Variants in SLC7A11 observed in about 807,000 individuals in gnomAD.
The protein encoded by SLC7A11 is solute carrier family 7 member 11.
SLC7A11 carries 35 observed loss-of-function variants against 54.5 expected under a neutral mutation model. That is an observed-to-expected ratio of 0.64 (90% CI 0.49 to 0.85). The LOEUF (loss-of-function observed/expected upper bound fraction) is 0.85, where lower values mean the gene tolerates loss of function less well. SLC7A11 is among the 40% of genes least tolerant of loss of function. The probability of loss-of-function intolerance (pLI) is 0.00; values close to 1 mark genes in which losing one functional copy is unlikely to be tolerated. For missense variants in SLC7A11, 583 were observed against 618.1 expected, an observed-to-expected ratio of 0.94 and a Z score of 0.60; for synonymous variants, 230 against 225.2, an observed-to-expected ratio of 1.02 and a Z score of -0.19.
At position 138,165,572 on chromosome 4, in the gene SLC7A11, A is replaced by C. The variant is rs1370829862; in HGVS notation, c.*6384T>G. 2 of 152,210 alleles carry C rather than the reference A, an allele frequency of 1.3e-5. No homozygotes were observed. Among genetic ancestry groups the C allele is most frequent in the African/African-American group, 4.8e-5 (2 of 41,460 alleles). 9.4% of individuals were successfully genotyped at this position (152,210 alleles called of 1,614,324 possible). A position where few individuals can be genotyped will look rare whatever the true frequency, so the allele number is the denominator to read the frequency against. On this transcript the variant is annotated 3_prime_UTR_variant, in exon 12 of 12. Transcript: ENST00000280612. Reference sequence around the variant, plus strand: ...TGATGCTCATATTTGCAAAGTTCCCAAATGTTGAGAAGTTCTAGTGAAAAG... The same window carrying C: ...TGATGCTCATATTTGCAAAGTTCCCCAATGTTGAGAAGTTCTAGTGAAAAG...
At chr4:138,177,837 T>C (rs757997879) in intron 11 of SLC7A11, 1 of 152,210 alleles carries the variant, frequency 6.6e-6, no homozygotes, top group South Asian at 2.1e-4. Context: ...TGCTGATTTT[T>C]CCTTTTAGTA....
Position 138,206,996 on chromosome 4 carries a change from CA to C in SLC7A11, c.791+7588del, listed in dbSNP as rs369656942. Among the ~76,000 whole-genome samples the C allele has an allele frequency of 3.4e-3, 383 of 113,634 alleles. 4 individuals carry two copies. The highest frequency in any genetic ancestry group is 8.0e-3 in the African/African-American group (252 of 31,576). The allele number at this position is 113,634 out of a possible 152,430, so 74.5% of individuals were successfully genotyped here. The stretch of plus-strand genomic sequence containing the variant: ...TTTATGTATATTTTCTAAAGAAAAG[CA>C]AAAAAAAAAAAAAAACCCCCAGAGG... On this transcript the variant is annotated intron_variant, in intron 6 of 11. Transcript: ENST00000280612.
rs1364471004 is a variant in SLC7A11 at position 138,165,494 on chromosome 4, T to C, written c.*6462A>G. 6.6e-6 allele frequency: 1 copy of C among 152,526 alleles called. No individual in the cohort carries two copies. Among genetic ancestry groups the C allele is most frequent in the African/African-American group, 2.4e-5 (1 of 41,450 alleles). 9.4% of individuals were successfully genotyped at this position (152,526 alleles called of 1,614,324 possible). ...ACTACGTTTGTTCACCTGTTTGGCA[T>C]AGGGAGAAAACAATGTATCTCATAG... is the stretch of plus-strand genomic sequence containing the variant. On this transcript the variant is annotated 3_prime_UTR_variant, in exon 12 of 12. Transcript: ENST00000280612.
chr4:138,169,746 G>A lies in SLC7A11; in HGVS notation c.*2210C>T, dbSNP rs1226124113. 3 of 151,868 alleles carry A rather than the reference G, an allele frequency of 2.0e-5. No individual in the cohort carries two copies. The highest frequency in any genetic ancestry group is 2.9e-5 in the Non-Finnish European group (2 of 67,952). The allele number at this position is 151,868 out of a possible 1,614,324, so 9.4% of individuals were successfully genotyped here. On this transcript the variant is annotated 3_prime_UTR_variant, in exon 12 of 12. Coordinates refer to ENST00000280612, the MANE Select transcript of SLC7A11 (RefSeq NM_014331.4). ...ATGGGGAAAAAAAAAATAGGAATAT[G>A]AAAGAAATTCTTACCTCCAGCAACA...
chr4:138,187,253 A>T (rs1444020928), intron 6 of SLC7A11, among the ~76,000 whole-genome samples: 2 of 152,024 alleles, frequency 1.3e-5, no homozygotes, highest in East Asian at 3.9e-4. Context: ...AACCTAGAAA[A>T]TCTAACCTTC....
Position 138,214,571 on chromosome 4 carries a change from ATC to A in SLC7A11, c.791+12_791+13del. The A allele has an allele frequency of 6.9e-7, 1 of 1,450,144 alleles. No homozygotes were observed. Among genetic ancestry groups the A allele is most frequent in the Non-Finnish European group, 9.4e-7 (1 of 1,065,412 alleles). The allele number at this position is 1,450,144 out of a possible 1,614,324, so 89.8% of individuals were successfully genotyped here. ...ATTCTTCATAAAAATTTCAGGGTAC[ATC>A]TGGCTACTTACTTTTCAGGGTTTTC... On this transcript the variant is annotated intron_variant, in intron 6 of 11. Coordinates refer to ENST00000280612, the MANE Select transcript of SLC7A11 (RefSeq NM_014331.4).
intron 11 of SLC7A11, among the ~76,000 whole-genome samples, chr4:138,172,295 T>G (rs1400327656): frequency 6.6e-6 from 1 of 152,206 alleles, no homozygotes; most frequent in African/African-American, 2.4e-5. Context: ...GAAAATATTT[T>G]GAAACAGTAG....
chr4:138,226,227 G>A lies in SLC7A11; in HGVS notation c.521-2903C>T, dbSNP rs973386049. Among the ~76,000 whole-genome samples the A allele has an allele frequency of 5.3e-5, 8 of 152,130 alleles. No individual in the cohort carries two copies. In the South Asian group the frequency reaches 1.7e-3, roughly 32 times the overall value. Reference sequence around the variant, plus strand: ...AATGTAAATTAGTATAGCCACTATAGAAAACAGTATGGAAGTGTCTCAAAA... The same window carrying A: ...AATGTAAATTAGTATAGCCACTATAAAAAACAGTATGGAAGTGTCTCAAAA... On this transcript the variant is annotated intron_variant, in intron 3 of 11. Coordinates refer to ENST00000280612, the MANE Select transcript of SLC7A11 (RefSeq NM_014331.4).
chr4:138,228,409 T>C (rs912237752), intron 3 of SLC7A11, among the ~76,000 whole-genome samples: 4 of 152,158 alleles, frequency 2.6e-5, no homozygotes, highest in Non-Finnish European at 5.9e-5. Flanking sequence ...CATACTTCAA[T>C]GCTTATTGAA....
intron 6 of SLC7A11, among the ~76,000 whole-genome samples, chr4:138,213,508 GTGTT>G (rs1488006482): frequency 6.7e-6 from 1 of 150,118 alleles, no homozygotes; most frequent in Non-Finnish European, 1.5e-5. Context: ...AAATCAGTGT[GTGTT>G]TGTTTGTGTT....
chr4:138,170,638 A>G lies in SLC7A11; in HGVS notation c.*1318T>C, dbSNP rs943747423. 6.6e-6 allele frequency: 1 copy of G among 152,022 alleles called. No homozygotes were observed. Among genetic ancestry groups the G allele is most frequent in the Non-Finnish European group, 1.5e-5 (1 of 67,988 alleles). The allele number at this position is 152,022 out of a possible 1,614,324, so 9.4% of individuals were successfully genotyped here. ...CTCACAGTATTTTCTAATACTGGCA[A>G]AACAACATCTTCTGAACACAAACAC... On this transcript the variant is annotated 3_prime_UTR_variant, in exon 12 of 12. Transcript: ENST00000280612.
chr4:138,184,607 T>G (rs1455097310), intron 7 of SLC7A11, among the ~76,000 whole-genome samples: 2 of 152,150 alleles, frequency 1.3e-5, no homozygotes, highest in Non-Finnish European at 2.9e-5. Flanking sequence ...GGTTTAACTT[T>G]GAATAACCCA....
chr4:138,190,864 G>A (rs1293561724), intron 6 of SLC7A11, among the ~76,000 whole-genome samples: 2 of 152,008 alleles, frequency 1.3e-5, no homozygotes, highest in African/African-American at 2.4e-5. Flanking sequence ...TAGTTTTCCA[G>A]ACATGAAAAA....
intron 6 of SLC7A11, among the ~76,000 whole-genome samples, chr4:138,203,839 C>T (rs893364697): frequency 1.3e-5 from 2 of 152,040 alleles, no homozygotes; most frequent in Non-Finnish European, 2.9e-5. Context: ...TCCCACCCTC[C>T]ATCCCACCAT....
chr4:138,217,852 T>C (rs865823912), intron 5 of SLC7A11, among the ~76,000 whole-genome samples: 3 of 152,244 alleles, frequency 2.0e-5, no homozygotes, highest in South Asian at 4.1e-4. Flanking sequence ...TGATTCTGCT[T>C]TAACCCTGTG....
chr4:138,183,029 C>T (rs1216239606), intron 8 of SLC7A11, among the ~76,000 whole-genome samples, 173 bp downstream of exon 8: 1 of 152,086 alleles, frequency 6.6e-6, no homozygotes, highest in Non-Finnish European at 1.5e-5. Context: ...GCAGTGCCCT[C>T]TAATGGACAG....
chr4:138,214,564 A>T, intron 6 of SLC7A11, 21 bp downstream of exon 6: 1 of 1,410,626 alleles, frequency 7.1e-7, no homozygotes, highest in African/African-American at 1.5e-5. Context: ...TAAAAATTTC[A>T]GGGTACATCT....
chr4:138,241,865 C>T lies in SLC7A11; in HGVS notation c.205G>A (p.Val69Met), dbSNP rs1738388697. The T allele has an allele frequency of 6.2e-7, 1 of 1,614,116 alleles. No homozygotes were observed. Residue 69 changes from valine (V) to methionine (M), a missense_variant, in exon 1 of 12, where the codon GTG becomes ATG. By Grantham distance (21) the Val-to-Met change is conservative. Transcript: ENST00000280612. ...CCCACGCTGCCCGTGTTCTGGAGCA[C>T]GCCCTTAGGAGAGATGAAGATTCCT... ...GAGIFISPKG[V>M]LQNTGSVGMS...
intron 6 of SLC7A11, among the ~76,000 whole-genome samples, chr4:138,188,493 C>T (rs980292714): frequency 6.6e-6 from 1 of 152,128 alleles, no homozygotes; most frequent in Admixed American, 6.6e-5. Flanking sequence ...GCTGTTTTGG[C>T]ATAAACAGCC....
Sources: allele counts gnomAD v4.1 joint callset (sites outside exome capture counted in the v4.1 genomes callset), GRCh38; gene constraint gnomAD v4.1.1; transcripts MANE v1.5; gene names NCBI Gene and HGNC (gene_info 2026-07-23, HGNC 2026-07-21).